The following GOLPH3L variants were observed in gnomAD, a reference collection of about 807,000 sequenced individuals.
GOLPH3L encodes golgi phosphoprotein 3 like.
In GOLPH3L, 22 loss-of-function variants were observed where a neutral mutation model predicts 30.3. The observed-to-expected ratio is 0.73, with a 90% CI of 0.52 to 1.04. The LOEUF is 1.04. Ranked by LOEUF, GOLPH3L falls within the 50% of genes least tolerant of loss-of-function variation. The pLI, the probability that GOLPH3L is intolerant of heterozygous loss-of-function variation, is 0.00. For synonymous variants in GOLPH3L, 120 were observed against 128.2 expected, an observed-to-expected ratio of 0.94 and a Z score of 0.43; for missense variants, 303 against 345.8, an observed-to-expected ratio of 0.88 and a Z score of 0.98.
intron 2 of GOLPH3L, among the ~76,000 whole-genome samples, chr1:150,679,288 C>G (rs935676644): frequency 1.3e-5 from 2 of 152,122 alleles, no homozygotes; most frequent in African/African-American, 4.8e-5. Flanking sequence ...CCCCAAATAG[C>G]GAAGTACAGA....
intron 2 of GOLPH3L, among the ~76,000 whole-genome samples, chr1:150,677,483 C>T (rs1377213756): frequency 6.6e-6 from 1 of 151,522 alleles, no homozygotes; most frequent in African/African-American, 2.4e-5. Flanking sequence ...GGTGATCCAC[C>T]TGCCTCAGCC....
chr1:150,681,133 G>A (rs1194004865), intron 2 of GOLPH3L, among the ~76,000 whole-genome samples: 1 of 151,908 alleles, frequency 6.6e-6, no homozygotes, highest in African/African-American at 2.4e-5. Context: ...GCAAAACTCC[G>A]CCTCAAAAAA....
chr1:150,673,229 G>A (rs1650684048), intron 2 of GOLPH3L, among the ~76,000 whole-genome samples: 1 of 151,928 alleles, frequency 6.6e-6, no homozygotes, highest in Non-Finnish European at 1.5e-5. Flanking sequence ...GAGTGACCTG[G>A]CCGGAAAGAG....
At position 150,678,159 on chromosome 1, in the gene GOLPH3L, C is replaced by T. The variant is rs188914508; in HGVS notation, c.184-14396G>A. On this transcript the variant is annotated intron_variant, in intron 2 of 4. Transcript: ENST00000271732. ...TACTAAAAATACAAAATTAGCTGGG[C>T]GTGGTGGCACATACCTGTAATCCCA... Among the ~76,000 whole-genome samples, 196 of 150,672 alleles carry T rather than the reference C, an allele frequency of 1.3e-3. No individual in the cohort carries two copies. The East Asian group carries it at 0.014, about 11-fold the overall frequency.
chr1:150,690,318 G>A (rs932411444), intron 2 of GOLPH3L, among the ~76,000 whole-genome samples: 2 of 152,130 alleles, frequency 1.3e-5, no homozygotes, highest in Admixed American at 6.6e-5. Context: ...ATAATACTGG[G>A]TTCTAAACAG....
chr1:150,678,324 A>C (rs1571049708), intron 2 of GOLPH3L, among the ~76,000 whole-genome samples: 1 of 148,666 alleles, frequency 6.7e-6, no homozygotes, highest in Non-Finnish European at 1.5e-5. Context: ...ATGTCCTATA[A>C]ATTCCTTTCT....
chr1:150,688,417 T>A (rs140230870), intron 2 of GOLPH3L, among the ~76,000 whole-genome samples: 1 of 152,312 alleles, frequency 6.6e-6, no homozygotes, highest in East Asian at 1.9e-4. Flanking sequence ...TCCTAGAACC[T>A]GTCTCTTTAC....
At chr1:150,659,935 T>TCC (rs1650331725) in intron 4 of GOLPH3L, among the ~76,000 whole-genome samples, 3 of 151,882 alleles carry the variant, frequency 2.0e-5, no homozygotes, top group African/African-American at 7.3e-5. Flanking sequence ...CTTGGGAGGC[T>TCC]GAGGTGGGAG....
intron 4 of GOLPH3L, among the ~76,000 whole-genome samples, chr1:150,655,984 G>C (rs924294147): frequency 4.6e-5 from 7 of 152,180 alleles, no homozygotes; most frequent in Non-Finnish European, 8.8e-5. Context: ...TAAACAACCT[G>C]CAGCCTGCTA....
At chr1:150,664,465 T>G (rs879372199) in intron 2 of GOLPH3L, among the ~76,000 whole-genome samples, 2 of 152,054 alleles carry the variant, frequency 1.3e-5, no homozygotes, top group Non-Finnish European at 2.9e-5. Flanking sequence ...TCTTTTTTCT[T>G]TTTTTTGAGA....
chr1:150,675,103 G>A (rs1416748534), intron 2 of GOLPH3L, among the ~76,000 whole-genome samples: 1 of 151,974 alleles, frequency 6.6e-6, no homozygotes. Context: ...TGGTGTTGAA[G>A]ACCTGGCCTC....
At chr1:150,657,801 CA>C (rs1650277852) in intron 4 of GOLPH3L, among the ~76,000 whole-genome samples, 2 of 152,112 alleles carry the variant, frequency 1.3e-5, no homozygotes, top group South Asian at 4.1e-4. Flanking sequence ...AGAGCAGTTG[CA>C]AAAACAAAAC....
At chr1:150,676,229 C>T (rs1310834119) in intron 2 of GOLPH3L, among the ~76,000 whole-genome samples, 1 of 152,016 alleles carries the variant, frequency 6.6e-6, no homozygotes, top group East Asian at 1.9e-4. Flanking sequence ...CTGCCTTGGC[C>T]TCTCAAAGTG....
intron 2 of GOLPH3L, among the ~76,000 whole-genome samples, chr1:150,664,695 A>C (rs587717885): frequency 6.6e-6 from 1 of 152,184 alleles, no homozygotes; most frequent in East Asian, 1.9e-4. Flanking sequence ...CTCGTCATCC[A>C]CCAGCCTCAG....
At chr1:150,662,832 C>G (rs2101788948) in intron 3 of GOLPH3L, among the ~76,000 whole-genome samples, 1 of 152,176 alleles carries the variant, frequency 6.6e-6, no homozygotes, top group African/African-American at 2.4e-5. Flanking sequence ...CTGGTGATAC[C>G]TAAGAATGTA....
chr1:150,670,248 T>A (rs943009113), intron 2 of GOLPH3L, among the ~76,000 whole-genome samples: 2 of 142,296 alleles, frequency 1.4e-5, no homozygotes, highest in Non-Finnish European at 3.1e-5. Context: ...GGCGACAAGA[T>A]TGAAACTCCA....
chr1:150,670,465 C>A (rs1354060664), intron 2 of GOLPH3L, among the ~76,000 whole-genome samples: 1 of 151,528 alleles, frequency 6.6e-6, no homozygotes, highest in Non-Finnish European at 1.5e-5. Flanking sequence ...GGCGTGGTGG[C>A]GGGTGCCTGT....
In GOLPH3L at chr1:150,680,401, T is replaced by A. The variant is rs185626283; in HGVS notation, c.183+14255A>T. On this transcript the variant is annotated intron_variant, in intron 2 of 4. Transcript: ENST00000271732. ...CCCCAAGTAAATTAAGAGTTTTTTT[T>A]AAAGGATTATACATTATCCAAGTAA... Among the ~76,000 whole-genome samples, 8 of 152,308 alleles carry A rather than the reference T, an allele frequency of 5.3e-5. No homozygotes were observed. In the East Asian group the frequency reaches 1.3e-3, roughly 26 times the overall value.
In GOLPH3L at chr1:150,663,640, C is replaced by T; in HGVS notation, c.307G>A (p.Asp103Asn). 1 of 1,613,030 alleles carries T rather than the reference C, an allele frequency of 6.2e-7. No homozygotes were observed. Residue 103 changes from aspartate to asparagine, a missense_variant, in exon 3 of 5, where the codon GAC becomes AAC. Transcript: ENST00000271732. ...PPTMRKKRLL[D>N]RKVLLKSDSP... ...CACAGAGGATTCAGTACCTTTCTGT[C>T]TAGTAGTCGCTTCTTACGCATGGTC...
Sources: gnomAD v4.1 joint callset for allele counts (sites outside exome capture counted in the v4.1 genomes callset) on GRCh38, gnomAD v4.1.1 for gene constraint, MANE v1.5 for transcripts, NCBI Gene and HGNC (gene_info 2026-07-23, HGNC 2026-07-21) for gene names.